The following STARD13 variants were observed in gnomAD, a reference collection of about 807,000 sequenced individuals.
STARD13 encodes the protein StAR related lipid transfer domain containing 13, also known as stAR-related lipid transfer protein 13.
A neutral mutation model predicts 106.4 loss-of-function variants in STARD13; 62 were observed. That is an observed-to-expected ratio of 0.58 (90% CI 0.48 to 0.72). The LOEUF is 0.72. Among genes scored for constraint, STARD13 ranks in the 30% least tolerant of loss-of-function variants. STARD13 has a pLI of 0.00. For synonymous variants in STARD13, 565 were observed against 553.0 expected (o/e 1.02, Z -0.31); for missense variants, 1,387 against 1,424.0 (o/e 0.97, Z 0.42).
intron 1 of STARD13, among the ~76,000 whole-genome samples, chr13:33,240,217 C>T (rs1889400036): frequency 6.6e-6 from 1 of 152,118 alleles, no homozygotes; most frequent in Admixed American, 6.5e-5. Context: ...TGTTCCTTGG[C>T]TCTCTATTCT....
At chr13:33,171,597 CTATCA>C (rs1378694224) in intron 1 of STARD13, among the ~76,000 whole-genome samples, 2 of 152,342 alleles carry the variant, frequency 1.3e-5, no homozygotes, top group South Asian at 2.1e-4. Context: ...CTCCCTAGCC[CTATCA>C]CCACCACCCA....
chr13:33,278,470 T>C (rs969463120), intron 1 of STARD13: 4 of 152,086 alleles, frequency 2.6e-5, no homozygotes, highest in Admixed American at 6.6e-5. Flanking sequence ...CTATAATTTA[T>C]TGTGACGCCC....
At chr13:33,312,228 T>C (rs1893163037) in intron 1 of STARD13, among the ~76,000 whole-genome samples, 1 of 152,262 alleles carries the variant, frequency 6.6e-6, no homozygotes. Context: ...CATGCATTTA[T>C]TAAAGAGAAA....
At chr13:33,138,065 T>G (rs1273011403) in intron 4 of STARD13, among the ~76,000 whole-genome samples, 2 of 152,246 alleles carry the variant, frequency 1.3e-5, no homozygotes, top group Non-Finnish European at 2.9e-5. Context: ...TGGTCATTAT[T>G]TCAGAGAGCC....
intron 1 of STARD13, among the ~76,000 whole-genome samples, chr13:33,195,314 GC>G (rs1327919927): frequency 1.3e-5 from 2 of 152,172 alleles, no homozygotes; most frequent in African/African-American, 4.8e-5. Context: ...TGCAGATTTA[GC>G]CACTCTCTCT....
intron 1 of STARD13, among the ~76,000 whole-genome samples, chr13:33,189,822 G>C (rs558021197): frequency 6.6e-6 from 1 of 152,054 alleles, no homozygotes; most frequent in South Asian, 2.1e-4. Context: ...GGTGATCCCA[G>C]TTTCTAGCAG....
At chr13:33,475,853 A>G in the STARD13 span, among the ~76,000 whole-genome samples, 1 of 152,076 alleles carries the variant, frequency 6.6e-6, no homozygotes, top group Non-Finnish European at 1.5e-5. Flanking sequence ...GCTACTCAGG[A>G]GGCTGAGGCA....
At chr13:33,599,572 G>A in the STARD13 span, among the ~76,000 whole-genome samples, 2 of 152,040 alleles carry the variant, frequency 1.3e-5, no homozygotes, top group African/African-American at 4.8e-5. Context: ...TTGGACAAAT[G>A]AGCCTAAATT....
At chr13:33,121,143 G>T (rs959708267) in intron 7 of STARD13, among the ~76,000 whole-genome samples, 2 of 152,226 alleles carry the variant, frequency 1.3e-5, no homozygotes, top group Admixed American at 6.5e-5. Flanking sequence ...AAGCCACTGG[G>T]CACAGTGAGT....
intron 3 of STARD13, among the ~76,000 whole-genome samples, chr13:33,143,543 G>T (rs994532025): frequency 6.6e-6 from 1 of 151,962 alleles, no homozygotes; most frequent in Non-Finnish European, 1.5e-5. Context: ...GTTTCCAGTC[G>T]TTTCTTTTGT....
chr13:33,519,212 CTT>C, the STARD13 span, among the ~76,000 whole-genome samples: 3,120 of 66,418 alleles, frequency 0.047, 61 homozygotes, highest in Middle Eastern at 0.09. Context: ...GTAATTTTTT[CTT>C]TCTTTCTTTC....
chr13:33,305,725 C>G (rs1421284906), intron 1 of STARD13, among the ~76,000 whole-genome samples: 1 of 152,206 alleles, frequency 6.6e-6, no homozygotes, highest in Non-Finnish European at 1.5e-5. Flanking sequence ...CACACATTCT[C>G]TCCATCTGCA....
At chr13:33,635,905 AC>A in the STARD13 span, among the ~76,000 whole-genome samples, 1 of 151,586 alleles carries the variant, frequency 6.6e-6, no homozygotes, top group South Asian at 2.1e-4. Context: ...AATGGCGTGA[AC>A]CCGGGAGGCA....
At chr13:33,495,206 T>C in the STARD13 span, among the ~76,000 whole-genome samples, 2 of 152,226 alleles carry the variant, frequency 1.3e-5, no homozygotes, top group African/African-American at 4.8e-5. Flanking sequence ...ATTTCATCCA[T>C]TCTTGTGATT....
chr13:33,330,183 T>C (rs1170232618), intron 1 of STARD13, among the ~76,000 whole-genome samples: 1 of 152,244 alleles, frequency 6.6e-6, no homozygotes, highest in Non-Finnish European at 1.5e-5. Flanking sequence ...TTTTCCATAA[T>C]GGTTGTATAA....
At position 33,255,105 on chromosome 13, in the gene STARD13, C is replaced by G. The variant is rs74045746; in HGVS notation, c.169+30365G>C. Among the ~76,000 whole-genome samples the G allele has an allele frequency of 2.7e-3, 376 of 141,224 alleles. 1 individual carries two copies. Among genetic ancestry groups the G allele is most frequent in the African/African-American group, 9.3e-3 (358 of 38,466 alleles). 92.6% of individuals were successfully genotyped at this position (141,224 alleles called of 152,430 possible). A position where few individuals can be genotyped will look rare whatever the true frequency, so the allele number is the denominator to read the frequency against. On this transcript the variant is annotated intron_variant, in intron 1 of 13. Transcript: ENST00000336934. ...ACCTGTCCATCTGTGTGCTCCCCCC[C>G]CCCTCAGAGGCTTGATCAGGTTCAG...
chr13:33,333,961 C>T (rs1472617052), intron 1 of STARD13: 1 of 152,130 alleles, frequency 6.6e-6, no homozygotes, highest in Non-Finnish European at 1.5e-5. Context: ...GTGAATTTAA[C>T]CTCTCTGAAG....
the STARD13 span, among the ~76,000 whole-genome samples, chr13:33,425,407 TA>T: frequency 6.6e-6 from 1 of 152,104 alleles, no homozygotes; most frequent in African/African-American, 2.4e-5. Context: ...GTTATGCTGC[TA>T]CATTGGTGCC....
Position 33,195,953 on chromosome 13 carries a change from T to C in STARD13, c.170-28331A>G, listed in dbSNP as rs554038286. Among the ~76,000 whole-genome samples the C allele has an allele frequency of 8.5e-5, 13 of 152,296 alleles. No homozygotes were observed. In the South Asian group the frequency reaches 2.7e-3, roughly 32 times the overall value. On this transcript the variant is annotated intron_variant, in intron 1 of 13. Transcript: ENST00000336934. ...TGGGACACACATAACAACTAAAAGC[T>C]TTCTCCATTTGGTTAAGAAGGGAGG... is the stretch of plus-strand genomic sequence containing the variant.
Sources: gnomAD v4.1 joint callset for allele counts (sites outside exome capture counted in the v4.1 genomes callset) on GRCh38, gnomAD v4.1.1 for gene constraint, MANE v1.5 for transcripts, NCBI Gene and HGNC (gene_info 2026-07-23, HGNC 2026-07-21) for gene names.